The following CAMSAP2 variants were observed in gnomAD, a reference collection of about 807,000 sequenced individuals.
CAMSAP2 encodes the protein calmodulin-regulated spectrin-associated protein 2.
CAMSAP2 carries 26 observed loss-of-function variants against 146.1 expected under a neutral mutation model. The observed-to-expected ratio is 0.18, with a 90% CI of 0.13 to 0.25. The LOEUF is 0.25. Among genes scored for constraint, CAMSAP2 ranks in the 10% least tolerant of loss-of-function variants. The pLI, the probability that CAMSAP2 is intolerant of heterozygous loss-of-function variation, is 1.00. For synonymous variants in CAMSAP2, 499 were observed against 596.6 expected (o/e 0.84, Z 2.38); for missense variants, 1,381 against 1,759.3 (o/e 0.78, Z 3.85).
chr1:200,766,343 G>A (rs1184328391), intron 2 of CAMSAP2, among the ~76,000 whole-genome samples: 1 of 151,672 alleles, frequency 6.6e-6, no homozygotes, highest in Non-Finnish European at 1.5e-5. Flanking sequence ...TAGAGACAGG[G>A]TCTCCCTATG....
At position 200,832,039 on chromosome 1, in the gene CAMSAP2, T is replaced by TG; in HGVS notation, c.646-159dup. 1 of 569,704 alleles carries TG rather than the reference T, an allele frequency of 1.8e-6. No individual in the cohort carries two copies. The highest frequency in any genetic ancestry group is 3.0e-6 in the Non-Finnish European group (1 of 331,392). 35.3% of individuals were successfully genotyped at this position (569,704 alleles called of 1,614,324 possible). A position where few individuals can be genotyped will look rare whatever the true frequency, so the allele number is the denominator to read the frequency against. Reference sequence around the variant, plus strand: ...GCTATTGTTGCCGTGTATTTAACTTTGGTAATACCTAGCGTTATTTAGAAA... The same window carrying TG: ...GCTATTGTTGCCGTGTATTTAACTTTGGGTAATACCTAGCGTTATTTAGAAA... On this transcript the variant is annotated intron_variant, in intron 4 of 16. Coordinates refer to ENST00000358823, the MANE Select transcript of CAMSAP2 (RefSeq NM_203459.4). The surrounding 1 kb of genome is among the most constrained non-coding windows in gnomAD (Gnocchi z 4.2).
intron 6 of CAMSAP2, among the ~76,000 whole-genome samples, chr1:200,833,822 C>A (rs939389751): frequency 1.3e-5 from 2 of 151,886 alleles, no homozygotes; most frequent in African/African-American, 4.8e-5. Flanking sequence ...GGTATCCTTG[C>A]GTATTTTTAT....
At chr1:200,797,958 G>A (rs1232679226) in intron 2 of CAMSAP2, among the ~76,000 whole-genome samples, 1 of 152,070 alleles carries the variant, frequency 6.6e-6, no homozygotes, top group Non-Finnish European at 1.5e-5. Flanking sequence ...TTTTTGTCAG[G>A]TTTGTCAAAG....
intron 2 of CAMSAP2, among the ~76,000 whole-genome samples, chr1:200,802,007 A>T (rs951974560): frequency 6.6e-6 from 1 of 152,170 alleles, no homozygotes; most frequent in African/African-American, 2.4e-5. Context: ...CAATAGCAAG[A>T]TTTTTATCTC....
rs866124359 is a variant in CAMSAP2 at position 200,848,756 on chromosome 1, C to T, written c.1987C>T (p.Pro663Ser). ...RTGNTREALS[P>S]CPSTVSTKSQ... is the part of the protein sequence containing the mutation. The stretch of plus-strand genomic sequence containing the variant: ...TGGCAACACCAGGGAAGCTTTGAGT[C>T]CTTGTCCAAGTACTGTAAGTACCAA... Residue 663 changes from proline to serine, a missense_variant, in exon 11 of 17, where the codon CCT (proline) becomes TCT (serine). By Grantham distance (74) the Pro-to-Ser change is moderately conservative. Around this residue, in one of 4 missense-constraint regions of CAMSAP2, gnomAD observed 447 missense variants for 462.2 expected, o/e 0.97. Coordinates refer to ENST00000358823, the MANE Select transcript of CAMSAP2 (RefSeq NM_203459.4). 6.2e-7 allele frequency: 1 copy of T among 1,614,126 alleles called. No individual in the cohort carries two copies. Among genetic ancestry groups the T allele is most frequent in the South Asian group, 1.1e-5 (1 of 91,086 alleles).
chr1:200,847,612 A>T, intron 9 of CAMSAP2, 28 bp from the exon 10 acceptor site: 1 of 1,576,094 alleles, frequency 6.3e-7, no homozygotes, highest in Non-Finnish European at 8.7e-7. Context: ...ACATGATTTC[A>T]ATGGCTTTTT....
chr1:200,831,240 C>G (rs1234681733), intron 4 of CAMSAP2, among the ~76,000 whole-genome samples: 5 of 152,182 alleles, frequency 3.3e-5, no homozygotes, highest in African/African-American at 1.2e-4. Flanking sequence ...GAGTTAACAG[C>G]TAATAATAGC....
At chr1:200,791,002 G>A (rs1208513119) in intron 2 of CAMSAP2, among the ~76,000 whole-genome samples, 1 of 152,044 alleles carries the variant, frequency 6.6e-6, no homozygotes, top group African/African-American at 2.4e-5. Flanking sequence ...ATGCCACCAT[G>A]CCTGGCTAAT....
At position 200,817,261 on chromosome 1, in the gene CAMSAP2, T is replaced by TACACAC. The variant is rs113243124; in HGVS notation, c.645+1618_645+1619insCACACA. ...ACACATACACACATATGTGTGTGTA[T>TACACAC]ATACACACATATATATATATTTTCC... On this transcript the variant is annotated intron_variant, in intron 4 of 16. Coordinates refer to ENST00000358823, the MANE Select transcript of CAMSAP2 (RefSeq NM_203459.4). Among the ~76,000 whole-genome samples, 243 of 39,226 alleles carry TACACAC rather than the reference T, an allele frequency of 6.2e-3. 13 individuals carry two copies. The highest frequency in any genetic ancestry group is 0.041 in the South Asian group (36 of 888). 25.7% of individuals were successfully genotyped at this position (39,226 alleles called of 152,430 possible).
chr1:200,848,951 G>T lies in CAMSAP2; in HGVS notation c.2182G>T (p.Ala728Ser), dbSNP rs1451795952. The T allele has an allele frequency of 6.2e-7, 1 of 1,613,978 alleles. No homozygotes were observed. The highest frequency in any genetic ancestry group is 8.5e-7 in the Non-Finnish European group (1 of 1,179,990). ...TAATATTCCTCATGTGGTTGCTTGG[G>T]CACAAATTCCAGAAGAAACAGGGCT... ...ELNIPHVVAW[A>S]QIPEETGLPQ... The change falls in exon 11 of 17, where the codon GCA (alanine) becomes TCA (serine). Residue 728 changes from alanine (A) to serine (S), a missense_variant. This residue lies in a region of CAMSAP2 where 560 missense variants were observed against 715.9 expected (regional missense o/e 0.78). Transcript: ENST00000358823.
At chr1:200,828,951 G>T (rs1488881761) in intron 4 of CAMSAP2, among the ~76,000 whole-genome samples, 1 of 151,220 alleles carries the variant, frequency 6.6e-6, no homozygotes, top group Non-Finnish European at 1.5e-5. Flanking sequence ...AGGTCAGGAG[G>T]TCGAGACCAG....
chr1:200,835,998 A>G (rs936796807), intron 6 of CAMSAP2, among the ~76,000 whole-genome samples: 2 of 152,150 alleles, frequency 1.3e-5, no homozygotes, highest in African/African-American at 2.4e-5. Context: ...GGTATATTTA[A>G]ACTATGATTT....
In CAMSAP2 at chr1:200,848,091, G is replaced by T; in HGVS notation, c.1322G>T (p.Arg441Ile). 6.2e-7 allele frequency: 1 copy of T among 1,605,216 alleles called. No homozygotes were observed. The highest frequency in any genetic ancestry group is 8.5e-7 in the Non-Finnish European group (1 of 1,174,934). ...TTTGATAAAGAAGATAGTGTACAGA[G>T]ATCCACTCCAAACCGAGGAATCACT... ...ISFDKEDSVQ[R>I]STPNRGITRS... The change falls in exon 11 of 17, where the codon AGA becomes ATA. Residue 441 changes from arginine (R) to isoleucine (I), a missense_variant. By Grantham distance (97) the Arg-to-Ile change is moderately conservative (BLOSUM62 -3). Transcript: ENST00000358823.
intron 11 of CAMSAP2, among the ~76,000 whole-genome samples, chr1:200,851,523 C>T (rs1461816107): frequency 6.6e-6 from 1 of 152,162 alleles, no homozygotes; most frequent in Non-Finnish European, 1.5e-5. Context: ...ATCCCCATAG[C>T]ATAATAAAGT....
intron 2 of CAMSAP2, among the ~76,000 whole-genome samples, chr1:200,798,068 A>G (rs1665934673): frequency 6.7e-6 from 1 of 149,646 alleles, no homozygotes; most frequent in East Asian, 2.0e-4. Context: ...TGTTTTGGTT[A>G]CTGTAGCCTT....
At chr1:200,789,042 G>A (rs1174418292) in intron 2 of CAMSAP2, among the ~76,000 whole-genome samples, 1 of 152,026 alleles carries the variant, frequency 6.6e-6, no homozygotes, top group African/African-American at 2.4e-5. Flanking sequence ...TAATTGGGTT[G>A]TTTTCTGAGT....
At chr1:200,850,273 A>T in intron 11 of CAMSAP2, 39 bp downstream of exon 11, 1 of 1,501,780 alleles carries the variant, frequency 6.7e-7, no homozygotes, top group Non-Finnish European at 8.9e-7. Context: ...CATCTTCATT[A>T]GATGAGTGTG....
At position 200,850,027 on chromosome 1, in the gene CAMSAP2, TGAG is replaced by T. The variant is rs918078474; in HGVS notation, c.3261_3263del (p.Glu1087del). 1 of 1,613,328 alleles carries T rather than the reference TGAG, an allele frequency of 6.2e-7. No homozygotes were observed. Among genetic ancestry groups the T allele is most frequent in the African/African-American group, 1.3e-5 (1 of 74,862 alleles). ...CAGAGACTGTATGTCTGACACCAAA[TGAG>T]GACCAATTGAATCAACCCACAGAAC... On this transcript the variant is annotated inframe_deletion, in exon 11 of 17. Coordinates refer to ENST00000358823, the MANE Select transcript of CAMSAP2 (RefSeq NM_203459.4).
At chr1:200,765,453 G>GT in intron 2 of CAMSAP2, among the ~76,000 whole-genome samples, 1 of 151,860 alleles carries the variant, frequency 6.6e-6, no homozygotes, top group Non-Finnish European at 1.5e-5. Context: ...CTGGTCTCGA[G>GT]CTCCTGACCT....
Sources: allele counts gnomAD v4.1 joint callset (sites outside exome capture counted in the v4.1 genomes callset), GRCh38; gene constraint gnomAD v4.1.1; regional missense constraint gnomAD v4.1.1; non-coding constraint Gnocchi (gnomAD v3.1); transcripts MANE v1.5; gene names NCBI Gene and HGNC (gene_info 2026-07-23, HGNC 2026-07-21).